The following SLCO6A1 variants were observed in gnomAD, a reference collection of about 807,000 sequenced individuals.
SLCO6A1 encodes the protein cancer/testis antigen 48.
In SLCO6A1, 65 loss-of-function variants were observed where a neutral mutation model predicts 72.7. The ratio of observed to expected loss-of-function variants is 0.89; its 90% CI spans 0.73 to 1.10. The LOEUF is 1.10. Ranked by LOEUF, SLCO6A1 falls within the 50% of genes least tolerant of loss-of-function variation. SLCO6A1 has a pLI of 0.00. For synonymous variants in SLCO6A1, 314 were observed against 298.2 expected, an observed-to-expected ratio of 1.05 and a Z score of -0.55; for missense variants, 874 against 872.6, an observed-to-expected ratio of 1.00 and a Z score of -0.02.
chr5:102,377,666 C>CAT (rs1286212289), intron 12 of SLCO6A1, among the ~76,000 whole-genome samples: 2 of 151,298 alleles, frequency 1.3e-5, no homozygotes, highest in East Asian at 1.9e-4. Flanking sequence ...TAGACATAGA[C>CAT]ATATATATAG....
At chr5:102,491,789 C>G (rs978054972) in intron 1 of SLCO6A1, among the ~76,000 whole-genome samples, 2 of 152,242 alleles carry the variant, frequency 1.3e-5, no homozygotes, top group Non-Finnish European at 2.9e-5. Flanking sequence ...CAGAAAGGGG[C>G]TCCCACGGAG....
intron 9 of SLCO6A1, among the ~76,000 whole-genome samples, chr5:102,402,059 A>G (rs1747426339): frequency 6.6e-6 from 1 of 152,122 alleles, no homozygotes; most frequent in African/African-American, 2.4e-5. Context: ...TTGAAGAACT[A>G]AGGAGTCCAT....
rs142144458 is a variant in SLCO6A1, at chr5:102,449,586, C to A, written c.1131+8796G>T. ...TATTTTTAGTAGAAATGGGGTTTCA[C>A]CGTGTTACCCAGGATGGTCTTGATC... On this transcript the variant is annotated intron_variant, in intron 6 of 13. Coordinates refer to ENST00000506729, the MANE Select transcript of SLCO6A1 (RefSeq NM_173488.5). 8.3e-3 allele frequency among the ~76,000 whole-genome samples: 1,256 copies of A among 152,222 alleles called. 12 individuals carry two copies. The highest frequency in any genetic ancestry group is 0.015 in the Non-Finnish European group (1,006 of 68,004).
intron 12 of SLCO6A1, among the ~76,000 whole-genome samples, chr5:102,386,524 A>G (rs1407415606): frequency 6.6e-6 from 1 of 152,092 alleles, no homozygotes; most frequent in African/African-American, 2.4e-5. Context: ...GAGCCTGGGA[A>G]TACAGGGGAC....
chr5:102,425,389 A>G (rs1748837761), intron 7 of SLCO6A1, among the ~76,000 whole-genome samples: 1 of 152,164 alleles, frequency 6.6e-6, no homozygotes, highest in Admixed American at 6.5e-5. Flanking sequence ...TCAGCCCAAA[A>G]TCTCCTTAAG....
At chr5:102,399,933 T>G (rs1747060077) in intron 9 of SLCO6A1, among the ~76,000 whole-genome samples, 191 bp from the exon 10 acceptor site, 1 of 124,866 alleles carries the variant, frequency 8.0e-6, no homozygotes, top group South Asian at 2.6e-4. Context: ...GTATTTTACA[T>G]GGCAAAAAAT....
Position 102,475,750 on chromosome 5 carries a change from A to G in SLCO6A1, c.846T>C (p.Tyr282=). Residue 282 remains tyrosine (Y), a synonymous_variant, in exon 4 of 14, where the codon TAT becomes TAC. Transcript: ENST00000506729. The part of the protein sequence containing the change: ...CTSMIGYALG[Y]VLGAPLVKVP... ...CTTTAACTAGTGGTGCTCCTAGCAC[A>G]TAACCCAGAGCATATCCAATCATTG... 6.2e-7 allele frequency: 1 copy of G among 1,609,742 alleles called. No individual in the cohort carries two copies. The highest frequency in any genetic ancestry group is 8.5e-7 in the Non-Finnish European group (1 of 1,177,704).
intron 1 of SLCO6A1, among the ~76,000 whole-genome samples, chr5:102,484,607 C>T (rs1173617739): frequency 1.3e-5 from 2 of 151,584 alleles, no homozygotes; most frequent in Non-Finnish European, 2.9e-5. Flanking sequence ...GCCAAGATTG[C>T]GCCACTGCAC....
chr5:102,458,439 G>A lies in SLCO6A1; in HGVS notation c.1074C>T (p.Ser358=). The change falls in exon 6 of 14, where the codon AGC becomes AGT. Residue 358 remains serine (S), a synonymous_variant. Transcript: ENST00000506729. ...RKRKQLHFFD[S]RLKDLKLGTN... ...TTCCAAGTTTCAGATCTTTAAGTCTGCTGTCAAAAAAATGAAGCTGTTTAC... is the reference window on the plus strand; with the variant it reads ...TTCCAAGTTTCAGATCTTTAAGTCTACTGTCAAAAAAATGAAGCTGTTTAC... The A allele has an allele frequency of 6.2e-7, 1 of 1,612,882 alleles. No homozygotes were observed. The highest frequency in any genetic ancestry group is 1.1e-5 in the South Asian group (1 of 90,964).
intron 6 of SLCO6A1, 152 bp from the exon 7 acceptor site, chr5:102,438,913 T>G (rs191619030): frequency 6.9e-6 from 3 of 433,100 alleles, no homozygotes; most frequent in Non-Finnish European, 1.2e-5. Flanking sequence ...GATAGATAGA[T>G]AGATAGATCA....
chr5:102,479,252 G>A (rs1236089602), intron 2 of SLCO6A1, among the ~76,000 whole-genome samples: 1 of 152,154 alleles, frequency 6.6e-6, no homozygotes, highest in African/African-American at 2.4e-5. Flanking sequence ...CTGCTACAAT[G>A]TGAAGATAGG....
chr5:102,379,826 G>C (rs557768116), intron 12 of SLCO6A1, among the ~76,000 whole-genome samples: 28 of 148,578 alleles, frequency 1.9e-4, no homozygotes, highest in Non-Finnish European at 3.4e-4. Context: ...ACATGCTGTA[G>C]ATTAATTTAG....
intron 9 of SLCO6A1, 26 bp downstream of exon 9, chr5:102,412,964 A>G: frequency 3.8e-6 from 4 of 1,059,428 alleles, no homozygotes; most frequent in Non-Finnish European, 5.0e-6. Flanking sequence ...GTATAACAAA[A>G]CATAATAATT....
chr5:102,427,765 T>C (rs919269174), intron 7 of SLCO6A1, among the ~76,000 whole-genome samples: 7 of 150,406 alleles, frequency 4.7e-5, no homozygotes, highest in African/African-American at 1.7e-4. Flanking sequence ...AAATCTACCA[T>C]GCTAATATAA....
intron 1 of SLCO6A1, among the ~76,000 whole-genome samples, chr5:102,490,796 C>G (rs1183102369): frequency 1.3e-5 from 2 of 152,126 alleles, no homozygotes; most frequent in East Asian, 3.9e-4. Context: ...AGTGAAGCTG[C>G]AGACCTTCGC....
intron 6 of SLCO6A1, among the ~76,000 whole-genome samples, chr5:102,450,263 C>T (rs540374858): frequency 3.2e-4 from 48 of 152,176 alleles, no homozygotes; most frequent in Middle Eastern, 3.4e-3. Context: ...GGGCTATGTT[C>T]CTTTAACCAT....
rs186441837 is a variant in SLCO6A1, at chr5:102,432,925, G to C, written c.1276+5692C>G. Among the ~76,000 whole-genome samples, 8 of 152,188 alleles carry C rather than the reference G, an allele frequency of 5.3e-5. No individual in the cohort carries two copies. In the East Asian group the frequency reaches 1.4e-3, roughly 26 times the overall value. Reference sequence around the variant, plus strand: ...GGGATGATAGTGAATTGTAGATTTGGTCTCTTTACATAATTGCATATTTTT... The same window carrying C: ...GGGATGATAGTGAATTGTAGATTTGCTCTCTTTACATAATTGCATATTTTT... On this transcript the variant is annotated intron_variant, in intron 7 of 13. Coordinates refer to ENST00000506729, the MANE Select transcript of SLCO6A1 (RefSeq NM_173488.5).
intron 1 of SLCO6A1, among the ~76,000 whole-genome samples, chr5:102,495,529 A>G (rs1189696899): frequency 6.6e-6 from 1 of 152,150 alleles, no homozygotes; most frequent in Non-Finnish European, 1.5e-5. Flanking sequence ...AAGGAGGCGG[A>G]GGTTGCAGTG....
intron 11 of SLCO6A1, among the ~76,000 whole-genome samples, 196 bp downstream of exon 11, chr5:102,390,785 T>C (rs1204394861): frequency 1.3e-5 from 2 of 152,182 alleles, no homozygotes; most frequent in Non-Finnish European, 2.9e-5. Context: ...TTTTATTTGA[T>C]AATTTGATAA....
Sources: allele counts gnomAD v4.1 joint callset (sites outside exome capture counted in the v4.1 genomes callset), GRCh38; gene constraint gnomAD v4.1.1; transcripts MANE v1.5; gene names NCBI Gene and HGNC (gene_info 2026-07-23, HGNC 2026-07-21).